Variants in CMSS1 observed in about 807,000 individuals in gnomAD.
CMSS1 encodes the protein protein CMSS1.
In CMSS1, 33 loss-of-function variants were observed where a neutral mutation model predicts 43.5. The ratio of observed to expected loss-of-function variants is 0.76; its 90% CI spans 0.57 to 1.01. The LOEUF (loss-of-function observed/expected upper bound fraction) is 1.01. Among genes scored for constraint, CMSS1 ranks in the 50% least tolerant of loss-of-function variants. The probability of loss-of-function intolerance (pLI) is 0.00; values close to 1 mark genes in which losing one functional copy is unlikely to be tolerated. For missense variants in CMSS1, 313 were observed against 326.4 expected, an observed-to-expected ratio of 0.96 and a Z score of 0.32; for synonymous variants, 115 against 117.2, an observed-to-expected ratio of 0.98 and a Z score of 0.12.
At chr3:99,855,850 T>G (rs896158777) in intron 1 of CMSS1, among the ~76,000 whole-genome samples, 1 of 152,198 alleles carries the variant, frequency 6.6e-6, no homozygotes, top group Non-Finnish European at 1.5e-5. Flanking sequence ...TGTAAAAGGA[T>G]ATATTTTAAC....
At chr3:99,993,693 C>T (rs963328483) in intron 1 of CMSS1, among the ~76,000 whole-genome samples, 3 of 152,042 alleles carry the variant, frequency 2.0e-5, no homozygotes, top group Non-Finnish European at 4.4e-5. Context: ...TAAAAGGATG[C>T]TGAATTTTAT....
intron 1 of CMSS1, among the ~76,000 whole-genome samples, chr3:99,951,297 G>A (rs189650113): frequency 1.1e-3 from 162 of 152,208 alleles, no homozygotes; most frequent in African/African-American, 3.7e-3. Flanking sequence ...AATTACAGTA[G>A]CTATTTTACT....
intron 1 of CMSS1, among the ~76,000 whole-genome samples, chr3:100,139,454 A>G (rs1169957041): frequency 6.7e-6 from 1 of 150,344 alleles, no homozygotes; most frequent in Non-Finnish European, 1.5e-5. Flanking sequence ...GGCTGAGATG[A>G]GTGGATAACC....
intron 2 of CMSS1, among the ~76,000 whole-genome samples, chr3:100,156,004 C>G (rs990861321): frequency 6.6e-6 from 1 of 151,998 alleles, no homozygotes; most frequent in Non-Finnish European, 1.5e-5. Flanking sequence ...TTCATAGTAC[C>G]CTATACCTAA....
chr3:99,829,309 TC>T (rs1242570713), intron 1 of CMSS1, among the ~76,000 whole-genome samples: 2 of 152,340 alleles, frequency 1.3e-5, no homozygotes, highest in East Asian at 3.9e-4. Flanking sequence ...TCTTAAAATG[TC>T]CTGTATTACT....
At chr3:99,880,597 A>G (rs538387343) in intron 1 of CMSS1, among the ~76,000 whole-genome samples, 1 of 152,306 alleles carries the variant, frequency 6.6e-6, no homozygotes, top group African/African-American at 2.4e-5. Context: ...ATGCTAGGGA[A>G]TGGGAAGTCC....
At chr3:100,088,717 CAT>C (rs1355630221) in intron 1 of CMSS1, among the ~76,000 whole-genome samples, 2 of 152,030 alleles carry the variant, frequency 1.3e-5, no homozygotes, top group Admixed American at 6.6e-5. Context: ...CTAATCCTGA[CAT>C]ATTTTCTTGT....
chr3:99,893,973 C>G (rs569448178), intron 1 of CMSS1, among the ~76,000 whole-genome samples: 62 of 152,148 alleles, frequency 4.1e-4, no homozygotes, highest in Non-Finnish European at 7.9e-4. Context: ...ATTCAGTATT[C>G]ATTTATTAAG....
intron 1 of CMSS1, among the ~76,000 whole-genome samples, chr3:100,121,161 T>C (rs1459002953): frequency 6.6e-6 from 1 of 152,126 alleles, no homozygotes; most frequent in Admixed American, 6.5e-5. Flanking sequence ...GTTACATAGG[T>C]ATACACGTGT....
chr3:100,150,479 A>C (rs57031952), intron 2 of CMSS1, among the ~76,000 whole-genome samples: 4,996 of 152,298 alleles, frequency 0.033, 265 homozygotes, highest in African/African-American at 0.11. Flanking sequence ...ATATACATTT[A>C]GGCTTTAATA....
At chr3:99,854,008 CAG>C (rs1356374217) in intron 1 of CMSS1, among the ~76,000 whole-genome samples, 1 of 152,102 alleles carries the variant, frequency 6.6e-6, no homozygotes, top group African/African-American at 2.4e-5. Context: ...ACATGTGTGT[CAG>C]AGAGAGGGAA....
chr3:99,959,761 A>G (rs1441759851), intron 1 of CMSS1, among the ~76,000 whole-genome samples: 2 of 152,216 alleles, frequency 1.3e-5, no homozygotes, highest in African/African-American at 2.4e-5. Context: ...CCCAGAGGAC[A>G]TGGGATAATT....
intron 1 of CMSS1, among the ~76,000 whole-genome samples, chr3:99,864,073 T>TA (rs1944391471): frequency 6.6e-6 from 1 of 152,222 alleles, no homozygotes; most frequent in Non-Finnish European, 1.5e-5. Flanking sequence ...ATGGAATTAA[T>TA]ATGTAGGAGG....
chr3:99,923,062 C>G (rs1202042985), intron 1 of CMSS1, among the ~76,000 whole-genome samples: 1 of 151,880 alleles, frequency 6.6e-6, no homozygotes, highest in African/African-American at 2.4e-5. Context: ...TCATTGCCTT[C>G]TTTGTCTTCT....
chr3:99,881,117 G>GA (rs1450771773), intron 1 of CMSS1, among the ~76,000 whole-genome samples: 3 of 152,120 alleles, frequency 2.0e-5, no homozygotes, highest in Non-Finnish European at 2.9e-5. Context: ...CTGTTGGTAA[G>GA]AGACTTCCTA....
At chr3:100,046,150 A>G (rs1469326454) in intron 1 of CMSS1, among the ~76,000 whole-genome samples, 1 of 152,186 alleles carries the variant, frequency 6.6e-6, no homozygotes, top group Admixed American at 6.5e-5. Flanking sequence ...TCTCAATAAC[A>G]GGCTCATCAA....
At chr3:100,125,694 G>A (rs1447770022) in intron 1 of CMSS1, among the ~76,000 whole-genome samples, 1 of 152,188 alleles carries the variant, frequency 6.6e-6, no homozygotes, top group East Asian at 1.9e-4. Context: ...TGATGAGTCA[G>A]GTGGCCCCAG....
chr3:99,833,912 C>A (rs75718785), intron 1 of CMSS1, among the ~76,000 whole-genome samples: 1,810 of 152,286 alleles, frequency 0.012, 25 homozygotes, highest in East Asian at 0.029. Flanking sequence ...GTTTTTATCT[C>A]AGTGTTTAAT....
chr3:100,027,324 A>G (rs1198907871), intron 1 of CMSS1, among the ~76,000 whole-genome samples: 2 of 152,142 alleles, frequency 1.3e-5, no homozygotes, highest in Admixed American at 6.6e-5. Flanking sequence ...AGCCTCACAC[A>G]TGGTAGGTGT....
Sources: gnomAD v4.1 joint callset for allele counts (sites outside exome capture counted in the v4.1 genomes callset) on GRCh38, gnomAD v4.1.1 for gene constraint, MANE v1.5 for transcripts, NCBI Gene and HGNC (gene_info 2026-07-23, HGNC 2026-07-21) for gene names.